The following THSD7B variants were observed in gnomAD, a reference collection of about 807,000 sequenced individuals.
The protein encoded by THSD7B is thrombospondin type 1 domain containing 7B, also known as thrombospondin type-1 domain-containing protein 7B.
Under a neutral mutation model 213.6 loss-of-function variants are expected in THSD7B, and 138 were observed. The ratio of observed to expected loss-of-function variants is 0.65; its 90% CI spans 0.56 to 0.74. The LOEUF (loss-of-function observed/expected upper bound fraction) is 0.74, where lower values mean the gene tolerates loss of function less well. Ranked by LOEUF, THSD7B falls within the 30% of genes least tolerant of loss-of-function variation. The pLI, the probability that THSD7B is intolerant of heterozygous loss-of-function variation, is 0.00. For synonymous variants in THSD7B, 742 were observed against 687.0 expected, an observed-to-expected ratio of 1.08 and a Z score of -1.25; for missense variants, 1,931 against 1,991.5, an observed-to-expected ratio of 0.97 and a Z score of 0.58.
At chr2:137,205,610 T>C (rs1271096854) in intron 7 of THSD7B, among the ~76,000 whole-genome samples, 1 of 152,102 alleles carries the variant, frequency 6.6e-6, no homozygotes, top group Non-Finnish European at 1.5e-5. Flanking sequence ...TGCAATATTA[T>C]GATTTTAGAC....
At chr2:137,189,787 A>T (rs553159557) in intron 7 of THSD7B, among the ~76,000 whole-genome samples, 1 of 152,126 alleles carries the variant, frequency 6.6e-6, no homozygotes, top group East Asian at 1.9e-4. Flanking sequence ...CCCTTCTCTC[A>T]TCTGCTATTT....
intron 27 of THSD7B, among the ~76,000 whole-genome samples, chr2:137,669,734 A>G (rs1416741310): frequency 2.0e-5 from 3 of 152,222 alleles, no homozygotes; most frequent in Non-Finnish European, 2.9e-5. Flanking sequence ...GTTAGTAGCC[A>G]TATCCCCAAA....
intron 15 of THSD7B, among the ~76,000 whole-genome samples, chr2:137,498,335 CT>C (rs10535733): frequency 0.018 from 2,645 of 146,464 alleles, 54 homozygotes; most frequent in African/African-American, 0.049. Flanking sequence ...ACAGTAAAGT[CT>C]TTTTTTTTTT....
At chr2:137,299,038 G>A (rs1470927703) in intron 12 of THSD7B, among the ~76,000 whole-genome samples, 2 of 152,096 alleles carry the variant, frequency 1.3e-5, no homozygotes, top group Non-Finnish European at 2.9e-5. Context: ...CTATGTGCCT[G>A]GAAATGCTGC....
chr2:136,783,655 G>A (rs777699479), intron 1 of THSD7B, among the ~76,000 whole-genome samples: 8 of 152,084 alleles, frequency 5.3e-5, no homozygotes, highest in East Asian at 1.9e-4. Context: ...CCTCCCACCC[G>A]CAATCTCCTG....
chr2:136,882,134 T>A lies in THSD7B; in HGVS notation c.-35-10T>A, dbSNP rs1160949675. On this transcript the variant is annotated splice_polypyrimidine_tract_variant and intron_variant, in intron 1 of 27. Transcript: ENST00000409968. ...AAGAAACTTACCTGATTTTTCTTTTTCTCTTTTAGGAATAGGCAAGTCAAG... is the reference window on the plus strand; with the variant it reads ...AAGAAACTTACCTGATTTTTCTTTTACTCTTTTAGGAATAGGCAAGTCAAG... The A allele has an allele frequency of 1.4e-6, 2 of 1,435,536 alleles. No homozygotes were observed. Among genetic ancestry groups the A allele is most frequent in the Admixed American group, 6.3e-5 (2 of 31,662 alleles). The allele number at this position is 1,435,536 out of a possible 1,614,324, so 88.9% of individuals were successfully genotyped here.
At chr2:137,544,889 A>C (rs1680679792) in intron 15 of THSD7B, among the ~76,000 whole-genome samples, 1 of 151,812 alleles carries the variant, frequency 6.6e-6, no homozygotes. Context: ...ATGCCTCCTC[A>C]TACTATTATG....
At chr2:137,599,763 T>C (rs1204223915) in intron 17 of THSD7B, among the ~76,000 whole-genome samples, 1 of 152,220 alleles carries the variant, frequency 6.6e-6, no homozygotes, top group Non-Finnish European at 1.5e-5. Flanking sequence ...GAAATTCATT[T>C]TGAATGCCTT....
At chr2:137,454,131 A>G (rs1404768544) in intron 15 of THSD7B, among the ~76,000 whole-genome samples, 1 of 152,132 alleles carries the variant, frequency 6.6e-6, no homozygotes. Context: ...ATGCCCAGCA[A>G]TGGGATTGCT....
chr2:136,983,849 A>G (rs2104810007), intron 2 of THSD7B, among the ~76,000 whole-genome samples: 1 of 152,326 alleles, frequency 6.6e-6, no homozygotes, highest in Non-Finnish European at 1.5e-5. Context: ...CCTGGACTTC[A>G]TGAGAGTGTT....
At chr2:137,028,988 T>G (rs562148959) in intron 2 of THSD7B, among the ~76,000 whole-genome samples, 1 of 152,022 alleles carries the variant, frequency 6.6e-6, no homozygotes, top group Non-Finnish European at 1.5e-5. Flanking sequence ...CTGTAAATTT[T>G]ATAAAATTAA....
At chr2:137,605,174 T>C in intron 17 of THSD7B, among the ~76,000 whole-genome samples, 1 of 152,188 alleles carries the variant, frequency 6.6e-6, no homozygotes, top group East Asian at 1.9e-4. Context: ...AATTTCTATT[T>C]TGAGAGGCAA....
At chr2:137,012,853 A>G (rs1053483783) in intron 2 of THSD7B, among the ~76,000 whole-genome samples, 5 of 152,222 alleles carry the variant, frequency 3.3e-5, no homozygotes, top group African/African-American at 9.6e-5. Context: ...AACTTTCTAA[A>G]TTAGTAAAGC....
intron 12 of THSD7B, among the ~76,000 whole-genome samples, chr2:137,296,608 G>T (rs1194365469): frequency 6.6e-6 from 1 of 152,034 alleles, no homozygotes; most frequent in Admixed American, 6.6e-5. Context: ...TTTACTAATG[G>T]TTAATTACCA....
chr2:136,865,240 A>G (rs1683315797), intron 1 of THSD7B, among the ~76,000 whole-genome samples: 1 of 152,234 alleles, frequency 6.6e-6, no homozygotes, highest in South Asian at 2.1e-4. Flanking sequence ...CATGCTTCAT[A>G]GAGAATGGTG....
chr2:137,257,769 A>G (rs544039527), intron 10 of THSD7B, among the ~76,000 whole-genome samples: 7 of 152,098 alleles, frequency 4.6e-5, no homozygotes, highest in East Asian at 3.9e-4. Flanking sequence ...ATTGGATTGC[A>G]TTTCTTCAGC....
intron 12 of THSD7B, among the ~76,000 whole-genome samples, chr2:137,347,856 G>A (rs1175427517): frequency 6.6e-6 from 1 of 151,348 alleles, no homozygotes; most frequent in African/African-American, 2.4e-5. Flanking sequence ...GAATTATCAT[G>A]CTTAGATGTT....
intron 2 of THSD7B, among the ~76,000 whole-genome samples, chr2:136,973,815 T>C (rs1685440119): frequency 6.6e-6 from 1 of 152,206 alleles, no homozygotes; most frequent in Non-Finnish European, 1.5e-5. Context: ...TCGGAGAGTA[T>C]AAGTCAGTAT....
intron 2 of THSD7B, among the ~76,000 whole-genome samples, chr2:136,902,175 A>G (rs1336913260): frequency 6.6e-6 from 1 of 152,196 alleles, no homozygotes. Context: ...TAAAGGGTCT[A>G]AAGCTGAGAA....
Sources: allele counts gnomAD v4.1 joint callset (sites outside exome capture counted in the v4.1 genomes callset), GRCh38; gene constraint gnomAD v4.1.1; transcripts MANE v1.5; gene names NCBI Gene and HGNC (gene_info 2026-07-23, HGNC 2026-07-21).